The following ZC3H12B variants were observed in gnomAD, a reference collection of about 807,000 sequenced individuals.
ZC3H12B encodes probable ribonuclease ZC3H12B.
ZC3H12B carries 7 observed loss-of-function variants against 43.9 expected under a neutral mutation model. The ratio of observed to expected loss-of-function variants is 0.16; its 90% CI spans 0.09 to 0.30. ZC3H12B has a LOEUF of 0.30. ZC3H12B is among the 10% of genes least tolerant of loss of function. ZC3H12B has a pLI of 1.00. For missense variants in ZC3H12B, 475 were observed against 670.2 expected, an observed-to-expected ratio of 0.71 and a Z score of 3.22; for synonymous variants, 222 against 241.7, an observed-to-expected ratio of 0.92 and a Z score of 0.76.
intron 2 of ZC3H12B, among the ~76,000 whole-genome samples, chrX:65,387,103 TGAG>T (rs2066538735): frequency 1.8e-5 from 2 of 112,071 alleles, no homozygotes; most frequent in South Asian, 7.5e-4. Context: ...AGTGTGGTGC[TGAG>T]AAGAATGTAT....
the ZC3H12B span, among the ~76,000 whole-genome samples, chrX:65,268,247 G>A: frequency 7.1e-5 from 8 of 111,901 alleles, no homozygotes; most frequent in South Asian, 2.2e-3. Context: ...TGTCAATAAC[G>A]AAGAGACTGA....
the ZC3H12B span, among the ~76,000 whole-genome samples, chrX:65,153,186 G>A: frequency 8.9e-6 from 1 of 112,006 alleles, no homozygotes; most frequent in South Asian, 3.7e-4. Flanking sequence ...AGGACTTAAT[G>A]TCTAAAACAC....
the ZC3H12B span, among the ~76,000 whole-genome samples, chrX:65,076,912 T>C: frequency 1.8e-5 from 2 of 111,907 alleles, no homozygotes; most frequent in South Asian, 7.5e-4. Flanking sequence ...ATAATCTTGG[T>C]ATTAGTATCA....
At chrX:65,076,579 G>T in the ZC3H12B span, among the ~76,000 whole-genome samples, 1 of 110,059 alleles carries the variant, frequency 9.1e-6, no homozygotes, top group Non-Finnish European at 1.9e-5. Flanking sequence ...TCTTCTTTTT[G>T]TTTCTTTTTC....
At chrX:65,179,527 C>A in the ZC3H12B span, among the ~76,000 whole-genome samples, 1 of 110,417 alleles carries the variant, frequency 9.1e-6, no homozygotes, top group Admixed American at 9.7e-5. Flanking sequence ...ACACAAAAAA[C>A]CCTTCAAAAA....
At chrX:65,256,733 G>T in the ZC3H12B span, among the ~76,000 whole-genome samples, 1 of 111,849 alleles carries the variant, frequency 8.9e-6, no homozygotes, top group Non-Finnish European at 1.9e-5. Context: ...CCACACAAAA[G>T]ATTCAAGAAT....
the ZC3H12B span, among the ~76,000 whole-genome samples, chrX:65,193,076 G>T: frequency 6.5e-5 from 7 of 107,865 alleles, no homozygotes; most frequent in Non-Finnish European, 1.3e-4. Flanking sequence ...CTAGCCTTTT[G>T]CATCAATATT....
At chrX:65,078,830 T>C in the ZC3H12B span, among the ~76,000 whole-genome samples, 2 of 112,006 alleles carry the variant, frequency 1.8e-5, no homozygotes, top group South Asian at 3.8e-4. Context: ...TCATGGAAAA[T>C]AGGTCATCCA....
At chrX:65,152,767 A>G in the ZC3H12B span, among the ~76,000 whole-genome samples, 149 of 111,884 alleles carry the variant, frequency 1.3e-3, no homozygotes, top group Middle Eastern at 4.6e-3. Context: ...AAGAGCCCGC[A>G]TTGCCAAGTC....
At chrX:65,299,094 A>G in the ZC3H12B span, among the ~76,000 whole-genome samples, 1 of 111,913 alleles carries the variant, frequency 8.9e-6, no homozygotes, top group Non-Finnish European at 1.9e-5. Context: ...AAGCCTAACC[A>G]TATCAACAGG....
chrX:65,374,878 C>A (rs2066323135), intron 2 of ZC3H12B, among the ~76,000 whole-genome samples: 1 of 111,052 alleles, frequency 9.0e-6, no homozygotes. Context: ...AACTCACTCA[C>A]TATCATGAGA....
the ZC3H12B span, among the ~76,000 whole-genome samples, chrX:65,143,210 T>C: frequency 9.0e-6 from 1 of 111,390 alleles, no homozygotes; most frequent in Non-Finnish European, 1.9e-5. Context: ...CTTGTAGAGC[T>C]CTTTCACGTT....
chrX:65,232,393 C>T, the ZC3H12B span, among the ~76,000 whole-genome samples: 18 of 111,150 alleles, frequency 1.6e-4, 1 homozygote, highest in African/African-American at 4.6e-4. Flanking sequence ...CCTGACTTCC[C>T]GCAACATGCA....
chrX:65,092,375 A>G, the ZC3H12B span, among the ~76,000 whole-genome samples: 7 of 111,806 alleles, frequency 6.3e-5, no homozygotes, highest in African/African-American at 1.6e-4. Flanking sequence ...GAACCTGGTA[A>G]TGGGCAAAGG....
At chrX:65,169,578 C>T in the ZC3H12B span, among the ~76,000 whole-genome samples, 1 of 111,539 alleles carries the variant, frequency 9.0e-6, no homozygotes, top group African/African-American at 3.3e-5. Flanking sequence ...AGTTCAATTC[C>T]TGGATATCCT....
At chrX:65,121,416 C>T in the ZC3H12B span, among the ~76,000 whole-genome samples, 33 of 111,214 alleles carry the variant, frequency 3.0e-4, no homozygotes, top group African/African-American at 5.9e-4. Context: ...CATTTCTTCT[C>T]GATTTTCTAG....
At chrX:65,219,320 T>C in the ZC3H12B span, among the ~76,000 whole-genome samples, 1 of 111,231 alleles carries the variant, frequency 9.0e-6, no homozygotes, top group East Asian at 2.8e-4. Flanking sequence ...CCAAACCGAA[T>C]TGCCAAAAAA....
intron 2 of ZC3H12B, among the ~76,000 whole-genome samples, chrX:65,497,816 T>C (rs996014850): frequency 4.4e-5 from 5 of 112,569 alleles, no homozygotes; most frequent in Non-Finnish European, 9.4e-5. Flanking sequence ...AAAAATTGAA[T>C]ATAACAGCAA....
the ZC3H12B span, among the ~76,000 whole-genome samples, chrX:65,253,539 C>T: frequency 8.9e-6 from 1 of 112,041 alleles, no homozygotes; most frequent in Admixed American, 9.4e-5. Context: ...TTTCCATGCT[C>T]CCCTAGGACA....
Sources: allele counts gnomAD v4.1 joint callset (sites outside exome capture counted in the v4.1 genomes callset), GRCh38; gene constraint gnomAD v4.1.1; transcripts MANE v1.5; gene names NCBI Gene and HGNC (gene_info 2026-07-23, HGNC 2026-07-21).